Variants in TTC9C observed in about 807,000 individuals in gnomAD.
The protein encoded by TTC9C is tetratricopeptide repeat protein 9C.
Under a neutral mutation model 22.5 loss-of-function variants are expected in TTC9C, and 15 were observed. That is an observed-to-expected ratio of 0.67 (90% CI 0.45 to 1.03). The LOEUF (loss-of-function observed/expected upper bound fraction) is 1.03, where lower values mean the gene tolerates loss of function less well. TTC9C is among the 50% of genes least tolerant of loss of function. TTC9C has a pLI of 0.00. For missense variants in TTC9C, 244 were observed against 214.6 expected (o/e 1.14, Z -0.86); for synonymous variants, 92 against 86.8 (o/e 1.06, Z -0.33).
At position 62,728,943 on chromosome 11, in the gene TTC9C, A is replaced by G; in HGVS notation, c.95A>G (p.His32Arg). The part of the protein sequence containing the change: ...GKYRDAVSRY[H>R]RALLQLRGLD... Reference sequence around the variant, plus strand: ...TACCGAGATGCTGTGAGTAGGTACCATCGAGCTCTGCTTCAGCTGCGGGGT... The same window carrying G: ...TACCGAGATGCTGTGAGTAGGTACCGTCGAGCTCTGCTTCAGCTGCGGGGT... The change falls in exon 1 of 3, where the codon CAT (histidine) becomes CGT (arginine). Residue 32 changes from histidine (H) to arginine (R), a missense_variant. By Grantham distance (29) the His-to-Arg change is conservative. Coordinates refer to ENST00000316461, the MANE Select transcript of TTC9C (RefSeq NM_173810.4). 6.2e-7 allele frequency: 1 copy of G among 1,614,180 alleles called. No homozygotes were observed. The highest frequency in any genetic ancestry group is 8.5e-7 in the Non-Finnish European group (1 of 1,180,028).
rs760603515 is a variant in TTC9C at position 62,728,902 on chromosome 11, C to A, written c.54C>A (p.Arg18=). 1.2e-6 allele frequency: 2 copies of A among 1,614,178 alleles called. No homozygotes were observed. The highest frequency in any genetic ancestry group is 1.7e-6 in the Non-Finnish European group (2 of 1,180,034). Residue 18 remains arginine, a synonymous_variant, in exon 1 of 3, where the codon CGC becomes CGA. Transcript: ENST00000316461. ...TGTACAAGGAGGAAGGGAACCAGCG[C>A]TACCGGGAAGGGAAGTACCGAGATG... ...AQLYKEEGNQ[R]YREGKYRDAV...
intron 1 of TTC9C, among the ~76,000 whole-genome samples, chr11:62,731,547 A>G (rs2083849496): frequency 6.6e-6 from 1 of 152,124 alleles, no homozygotes; most frequent in Admixed American, 6.6e-5. Flanking sequence ...CAGTGAGCCA[A>G]GATTGGGCCA....
chr11:62,737,622 ATTTG>A (rs1438378591), intron 2 of TTC9C, among the ~76,000 whole-genome samples: 1 of 152,202 alleles, frequency 6.6e-6, no homozygotes, highest in Non-Finnish European at 1.5e-5. Context: ...AATATAAGCC[ATTTG>A]TTCATGTTTC....
intron 1 of TTC9C, among the ~76,000 whole-genome samples, chr11:62,729,433 C>G (rs1268529526): frequency 6.6e-6 from 1 of 150,574 alleles, no homozygotes; most frequent in East Asian, 1.9e-4. Flanking sequence ...GAGTCTCGCT[C>G]TGTCTCCCAG....
At chr11:62,729,917 C>T (rs1158156725) in intron 1 of TTC9C, among the ~76,000 whole-genome samples, 1 of 151,966 alleles carries the variant, frequency 6.6e-6, no homozygotes, top group African/African-American at 2.4e-5. Context: ...TTGTTGATAG[C>T]TTTAGGTAAT....
intron 1 of TTC9C, among the ~76,000 whole-genome samples, chr11:62,732,415 C>CATGGGTTT (rs2083861670): frequency 2.0e-5 from 3 of 151,616 alleles, no homozygotes; most frequent in Non-Finnish European, 2.9e-5. Context: ...TCAAGACCAG[C>CATGGGTTT]CTGACCAACA....
chr11:62,732,116 C>T (rs2083858136), intron 1 of TTC9C, among the ~76,000 whole-genome samples: 2 of 149,302 alleles, frequency 1.3e-5, no homozygotes, highest in Non-Finnish European at 3.0e-5. Flanking sequence ...CTGCCTCAGT[C>T]TCCCGAGTAG....
At chr11:62,729,600 A>C (rs1316573603) in intron 1 of TTC9C, among the ~76,000 whole-genome samples, 1 of 104,942 alleles carries the variant, frequency 9.5e-6, no homozygotes, top group African/African-American at 3.9e-5. Flanking sequence ...TTTGAGACGG[A>C]GTTTCGCTCT....
chr11:62,734,036 C>T (rs144319839), intron 1 of TTC9C, among the ~76,000 whole-genome samples: 5 of 150,964 alleles, frequency 3.3e-5, no homozygotes, highest in Non-Finnish European at 5.9e-5. Context: ...GGGTGGTTCA[C>T]GTCTATAATC....
chr11:62,732,582 A>G (rs1273536472), intron 1 of TTC9C, among the ~76,000 whole-genome samples: 2 of 148,348 alleles, frequency 1.3e-5, no homozygotes, highest in African/African-American at 5.0e-5. Context: ...TGCACACTCC[A>G]GCCTGGGCAA....
chr11:62,733,667 A>G (rs1186634337), intron 1 of TTC9C, among the ~76,000 whole-genome samples: 1 of 151,884 alleles, frequency 6.6e-6, no homozygotes, highest in Non-Finnish European at 1.5e-5. Context: ...GCAGTGGTAC[A>G]ATCTCGGCTC....
intron 1 of TTC9C, among the ~76,000 whole-genome samples, chr11:62,732,783 G>A (rs1280213407): frequency 6.6e-6 from 1 of 152,012 alleles, no homozygotes; most frequent in African/African-American, 2.4e-5. Flanking sequence ...TTAGCTGGGT[G>A]TGGTGGCAGG....
intron 1 of TTC9C, among the ~76,000 whole-genome samples, chr11:62,730,101 G>C (rs2083830075): frequency 6.6e-6 from 1 of 152,060 alleles, no homozygotes; most frequent in Non-Finnish European, 1.5e-5. Flanking sequence ...TTTGAGAAGA[G>C]CTTCGCTCTT....
intron 1 of TTC9C, among the ~76,000 whole-genome samples, chr11:62,734,143 C>A (rs185724256): frequency 2.0e-5 from 3 of 150,748 alleles, no homozygotes; most frequent in Admixed American, 2.0e-4. Context: ...TACAAAAATA[C>A]AAAAATTAGC....
At chr11:62,737,950 G>A (rs1208415810) in intron 2 of TTC9C, among the ~76,000 whole-genome samples, 1 of 152,144 alleles carries the variant, frequency 6.6e-6, no homozygotes, top group Non-Finnish European at 1.5e-5. Flanking sequence ...AGAATTGCTT[G>A]AACCCGGGAG....
chr11:62,735,532 A>T lies in TTC9C; in HGVS notation c.389A>T (p.Tyr130Phe). The T allele has an allele frequency of 6.2e-7, 1 of 1,613,516 alleles. No individual in the cohort carries two copies. Among genetic ancestry groups the T allele is most frequent in the East Asian group, 2.2e-5 (1 of 44,868 alleles). The part of the protein sequence containing the change: ...HLQDYDQARH[Y>F]LLAAVNRQPK... Reference sequence around the variant, plus strand: ...CAGGACTATGACCAGGCCCGCCACTACCTCCTGGCTGCCGTGAATAGGCAG... The same window carrying T: ...CAGGACTATGACCAGGCCCGCCACTTCCTCCTGGCTGCCGTGAATAGGCAG... The change falls in exon 2 of 3, where the codon TAC (tyrosine) becomes TTC (phenylalanine). Residue 130 changes from tyrosine to phenylalanine, a missense_variant. By Grantham distance (22) the Tyr-to-Phe change is conservative (BLOSUM62 3). Transcript: ENST00000316461.
chr11:62,729,223 G>A (rs1488429664), intron 1 of TTC9C, 137 bp downstream of exon 1: 1 of 757,088 alleles, frequency 1.3e-6, no homozygotes, highest in South Asian at 1.8e-5. Flanking sequence ...GGAATAACCT[G>A]TCAATCTGTG....
chr11:62,733,147 A>G (rs1371967722), intron 1 of TTC9C: 1 of 1,288,670 alleles, frequency 7.8e-7, no homozygotes, highest in Non-Finnish European at 1.0e-6. Flanking sequence ...TCCCTTCTTA[A>G]TCATAAAAAG....
intron 1 of TTC9C, among the ~76,000 whole-genome samples, chr11:62,732,417 TGAC>T (rs2083861722): frequency 2.0e-5 from 3 of 151,854 alleles, no homozygotes; most frequent in Non-Finnish European, 2.9e-5. Context: ...AAGACCAGCC[TGAC>T]CAACATGGAG....
Sources: allele counts gnomAD v4.1 joint callset (sites outside exome capture counted in the v4.1 genomes callset), GRCh38; gene constraint gnomAD v4.1.1; transcripts MANE v1.5; gene names NCBI Gene and HGNC (gene_info 2026-07-23, HGNC 2026-07-21).